The following TENM1 variants were observed in gnomAD, a reference collection of about 807,000 sequenced individuals.
TENM1 encodes teneurin transmembrane protein 1.
Under a neutral mutation model 174.8 loss-of-function variants are expected in TENM1, and 35 were observed. The observed-to-expected ratio is 0.20, with a 90% CI of 0.15 to 0.27. The LOEUF (loss-of-function observed/expected upper bound fraction) is 0.27, where lower values mean the gene tolerates loss of function less well. Ranked by LOEUF, TENM1 falls within the 10% of genes least tolerant of loss-of-function variation. TENM1 has a pLI of 1.00. For synonymous variants in TENM1, 781 were observed against 798.7 expected (o/e 0.98, Z 0.37); for missense variants, 1,633 against 2,130.1 (o/e 0.77, Z 4.59).
chrX:124,541,999 G>C (rs1320290023), intron 15 of TENM1, among the ~76,000 whole-genome samples: 1 of 112,077 alleles, frequency 8.9e-6, no homozygotes, highest in Non-Finnish European at 1.9e-5. Flanking sequence ...CCTAAGGCTA[G>C]CTACCATGCC....
intron 11 of TENM1, among the ~76,000 whole-genome samples, chrX:124,570,697 G>T (rs951728539): frequency 9.0e-6 from 1 of 111,143 alleles, no homozygotes; most frequent in African/African-American, 3.3e-5. Context: ...AAGACTAAAA[G>T]GAAATTTTAA....
At chrX:125,056,144 A>C in the TENM1 span, among the ~76,000 whole-genome samples, 1 of 110,927 alleles carries the variant, frequency 9.0e-6, no homozygotes, top group South Asian at 3.7e-4. Flanking sequence ...TCTTACCAAA[A>C]CTTGGCAAGA....
At chrX:124,552,076 C>T (rs1050333306) in intron 14 of TENM1, among the ~76,000 whole-genome samples, 1 of 111,886 alleles carries the variant, frequency 8.9e-6, no homozygotes, top group Non-Finnish European at 1.9e-5. Context: ...ACTTTTCATT[C>T]ATTGGATTTG....
chrX:124,468,587 T>G (rs1356555657), intron 22 of TENM1, among the ~76,000 whole-genome samples: 2 of 112,341 alleles, frequency 1.8e-5, no homozygotes, highest in Admixed American at 9.5e-5. Flanking sequence ...TGTCCTGAAG[T>G]TAGTGTGTAT....
chrX:125,057,704 T>C, the TENM1 span, among the ~76,000 whole-genome samples: 1 of 111,350 alleles, frequency 9.0e-6, no homozygotes, highest in Admixed American at 9.6e-5. Flanking sequence ...GAGAAAGCCC[T>C]GGCAAAGGAA....
chrX:124,785,064 G>C (rs1427036020), intron 3 of TENM1, among the ~76,000 whole-genome samples: 1 of 111,698 alleles, frequency 9.0e-6, no homozygotes, highest in East Asian at 2.8e-4. Context: ...AATGGTTTGA[G>C]GCTATTGTAG....
rs2060136836 is a variant in TENM1, at chrX:124,379,762, A to G, written c.*774T>C. ...CCAGGTTAATAAAAGCTATGTTTACATGATACCAATACAGCTGAACAACTT... is the reference window on the plus strand; with the variant it reads ...CCAGGTTAATAAAAGCTATGTTTACGTGATACCAATACAGCTGAACAACTT... On this transcript the variant is annotated 3_prime_UTR_variant, in exon 32 of 32. Coordinates refer to ENST00000422452, the Ensembl canonical transcript of TENM1. 1.8e-5 allele frequency: 2 copies of G among 112,301 alleles called. 1 individual carries two copies. The highest frequency in any genetic ancestry group is 1.9e-4 in the Admixed American group (2 of 10,525). 9.3% of individuals were successfully genotyped at this position (112,301 alleles called of 1,213,427 possible). A position where few individuals can be genotyped will look rare whatever the true frequency, so the allele number is the denominator to read the frequency against.
intron 1 of TENM1, among the ~76,000 whole-genome samples, chrX:124,905,871 G>C (rs983448714): frequency 1.4e-4 from 15 of 109,726 alleles, no homozygotes; most frequent in African/African-American, 4.9e-4. Flanking sequence ...CATCAGAAAG[G>C]AATAAAAGAA....
chrX:124,783,920 T>A (rs1437903754), intron 3 of TENM1, among the ~76,000 whole-genome samples: 1 of 111,804 alleles, frequency 8.9e-6, no homozygotes, highest in Non-Finnish European at 1.9e-5. Context: ...GTATATAAAC[T>A]CTGCCCAAAT....
intron 3 of TENM1, among the ~76,000 whole-genome samples, chrX:124,844,794 G>T (rs2056575321): frequency 9.0e-6 from 1 of 111,676 alleles, no homozygotes; most frequent in Non-Finnish European, 1.9e-5. Context: ...CAGTTAAGTT[G>T]ATGCAGATGG....
At chrX:124,950,878 G>C (rs2058472463) in intron 1 of TENM1, among the ~76,000 whole-genome samples, 1 of 111,515 alleles carries the variant, frequency 9.0e-6, no homozygotes, top group African/African-American at 3.3e-5. Context: ...TTTAGTAAAA[G>C]TGCACGTGTT....
At chrX:124,726,165 C>T (rs2053439338) in intron 4 of TENM1, among the ~76,000 whole-genome samples, 1 of 112,613 alleles carries the variant, frequency 8.9e-6, no homozygotes. Flanking sequence ...CCAAGTAAAT[C>T]TTCTCCATAT....
the TENM1 span, among the ~76,000 whole-genome samples, chrX:125,186,814 A>T: frequency 1.8e-5 from 2 of 111,781 alleles, no homozygotes; most frequent in Non-Finnish European, 3.8e-5. Context: ...ATAGACTAAG[A>T]CAGTCTCCCA....
the TENM1 span, among the ~76,000 whole-genome samples, chrX:125,073,699 T>C: frequency 5.4e-5 from 6 of 111,192 alleles, no homozygotes; most frequent in African/African-American, 2.0e-4. Flanking sequence ...ATGGATAGTG[T>C]GCAGGAGGCC....
rs761740388 is a variant in TENM1, at chrX:124,453,318, G to C, written c.4104+19C>G. 1 of 1,183,146 alleles carries C rather than the reference G, an allele frequency of 8.5e-7. No homozygotes were observed. Among genetic ancestry groups the C allele is most frequent in the South Asian group, 1.9e-5 (1 of 51,539 alleles). On this transcript the variant is annotated intron_variant, in intron 23 of 31. Coordinates refer to ENST00000422452, the Ensembl canonical transcript of TENM1. ...ATGATGCCAAATGACAATAATACTT[G>C]AAAACCAGTGATGCCTACCTGAGTG... is the stretch of plus-strand genomic sequence containing the variant.
the TENM1 span, among the ~76,000 whole-genome samples, chrX:125,073,326 TG>T: frequency 2.7e-5 from 3 of 111,475 alleles, no homozygotes; most frequent in Admixed American, 1.9e-4. Flanking sequence ...TAAAACGTAA[TG>T]GGTGATCAAC....
chrX:125,198,935 T>G, the TENM1 span, among the ~76,000 whole-genome samples: 1 of 110,990 alleles, frequency 9.0e-6, no homozygotes, highest in Admixed American at 9.6e-5. Context: ...TTTCCTGCCT[T>G]GCTGAAAAGG....
chrX:124,795,154 C>A (rs2055274991), intron 3 of TENM1, among the ~76,000 whole-genome samples: 1 of 112,241 alleles, frequency 8.9e-6, no homozygotes, highest in Non-Finnish European at 1.9e-5. Flanking sequence ...TGTTACATCT[C>A]TAGCATCTGG....
chrX:124,870,575 T>C (rs2057091513), intron 3 of TENM1, among the ~76,000 whole-genome samples: 3 of 110,578 alleles, frequency 2.7e-5, no homozygotes. Flanking sequence ...AGTGAAAACA[T>C]GCAATACTTG....
Sources: gnomAD v4.1 joint callset for allele counts (sites outside exome capture counted in the v4.1 genomes callset) on GRCh38, gnomAD v4.1.1 for gene constraint, MANE v1.5 for transcripts, NCBI Gene and HGNC (gene_info 2026-07-23, HGNC 2026-07-21) for gene names.